The following AFG2A variants were observed in gnomAD, a reference collection of about 807,000 sequenced individuals.
AFG2A encodes the protein ATPase family gene 2 protein homolog A.
At chr4:123,205,766 A>G in the AFG2A span, among the ~76,000 whole-genome samples, 1 of 152,168 alleles carries the variant, frequency 6.6e-6, no homozygotes, top group Non-Finnish European at 1.5e-5. Flanking sequence ...TGATACTCAT[A>G]AAGCATTTAA....
chr4:123,088,774 A>G, the AFG2A span, among the ~76,000 whole-genome samples: 1 of 152,032 alleles, frequency 6.6e-6, no homozygotes, highest in Non-Finnish European at 1.5e-5. Flanking sequence ...CTTCTCCTTC[A>G]GCCATAATTG....
chr4:123,192,792 G>C, the AFG2A span, among the ~76,000 whole-genome samples: 5 of 152,104 alleles, frequency 3.3e-5, no homozygotes. Context: ...TTGCCCACAG[G>C]CAGTATATTT....
the AFG2A span, among the ~76,000 whole-genome samples, chr4:123,218,321 T>C: frequency 6.6e-6 from 1 of 152,152 alleles, no homozygotes; most frequent in African/African-American, 2.4e-5. Context: ...GTGAAGTGAA[T>C]TTCACCTCCT....
At chr4:123,271,285 A>G in the AFG2A span, among the ~76,000 whole-genome samples, 2 of 152,200 alleles carry the variant, frequency 1.3e-5, no homozygotes, top group African/African-American at 4.8e-5. Flanking sequence ...TGATTTCCCA[A>G]CTTTGTAAGA....
chr4:123,055,434 C>T, the AFG2A span, among the ~76,000 whole-genome samples: 1 of 152,072 alleles, frequency 6.6e-6, no homozygotes, highest in African/African-American at 2.4e-5. Flanking sequence ...ACTTGTCATA[C>T]AGTATGCTAA....
chr4:123,173,741 GA>G, the AFG2A span, among the ~76,000 whole-genome samples: 1 of 152,084 alleles, frequency 6.6e-6, no homozygotes, highest in Non-Finnish European at 1.5e-5. Context: ...TATTAATGGT[GA>G]AAATATGTAA....
At chr4:123,095,416 G>A in the AFG2A span, among the ~76,000 whole-genome samples, 320 of 152,008 alleles carry the variant, frequency 2.1e-3, 6 homozygotes, top group East Asian at 0.05. Flanking sequence ...TTTTAAGTCT[G>A]TTTCCTTTCC....
chr4:123,261,284 G>A, the AFG2A span, among the ~76,000 whole-genome samples: 1 of 152,018 alleles, frequency 6.6e-6, no homozygotes, highest in African/African-American at 2.4e-5. Context: ...TCTTCCTTGT[G>A]TCTTTACACT....
chr4:123,091,719 T>G, the AFG2A span, among the ~76,000 whole-genome samples: 1 of 152,242 alleles, frequency 6.6e-6, no homozygotes, highest in Non-Finnish European at 1.5e-5. Context: ...AAACTATTAC[T>G]ACCACTTTTT....
chr4:123,016,262 C>T, the AFG2A span, among the ~76,000 whole-genome samples: 1 of 149,766 alleles, frequency 6.7e-6, no homozygotes, highest in Admixed American at 6.6e-5. Flanking sequence ...GGCAGAGGGG[C>T]TGACCCCCAC....
At chr4:123,193,783 T>C in the AFG2A span, among the ~76,000 whole-genome samples, 1 of 152,198 alleles carries the variant, frequency 6.6e-6, no homozygotes, top group African/African-American at 2.4e-5. Flanking sequence ...GTTTAACATC[T>C]ATAAAATATG....
At chr4:123,107,720 C>T in the AFG2A span, among the ~76,000 whole-genome samples, 1 of 152,242 alleles carries the variant, frequency 6.6e-6, no homozygotes, top group Non-Finnish European at 1.5e-5. Context: ...GCCTGAAGCC[C>T]TATGGCAAAC....
the AFG2A span, among the ~76,000 whole-genome samples, chr4:123,242,519 A>C: frequency 1.3e-5 from 2 of 152,218 alleles, no homozygotes; most frequent in Non-Finnish European, 2.9e-5. Flanking sequence ...TATTTAATAC[A>C]TGGTGCTGGG....
At chr4:123,236,788 A>C in the AFG2A span, among the ~76,000 whole-genome samples, 427 of 152,322 alleles carry the variant, frequency 2.8e-3, 6 homozygotes, top group African/African-American at 9.8e-3. Context: ...CTTATTAAAC[A>C]TGCAGGGTCT....
the AFG2A span, among the ~76,000 whole-genome samples, chr4:123,234,713 T>G: frequency 6.6e-6 from 1 of 152,152 alleles, no homozygotes; most frequent in Non-Finnish European, 1.5e-5. Flanking sequence ...GCAAGGAATA[T>G]GGCTTCTACA....
chr4:123,003,546 C>T, the AFG2A span, among the ~76,000 whole-genome samples: 1 of 152,194 alleles, frequency 6.6e-6, no homozygotes, highest in Admixed American at 6.5e-5. Flanking sequence ...AGCTGCAGGT[C>T]TGTTGGAGTT....
chr4:122,956,268 G>A, the AFG2A span, among the ~76,000 whole-genome samples: 3 of 152,222 alleles, frequency 2.0e-5, no homozygotes, highest in Non-Finnish European at 4.4e-5. Flanking sequence ...TAGAGTAGGA[G>A]TTCTACAGTG....
the AFG2A span, among the ~76,000 whole-genome samples, chr4:123,026,764 A>G: frequency 6.6e-6 from 1 of 152,232 alleles, no homozygotes; most frequent in African/African-American, 2.4e-5. Flanking sequence ...AAAGAAATTA[A>G]GGATAGAGAA....
At chr4:122,959,001 C>T in the AFG2A span, among the ~76,000 whole-genome samples, 1 of 152,126 alleles carries the variant, frequency 6.6e-6, no homozygotes, top group Non-Finnish European at 1.5e-5. Context: ...TTGTAGAGCT[C>T]GTGAAAACAC....
Sources: allele counts gnomAD v4.1 joint callset (sites outside exome capture counted in the v4.1 genomes callset), GRCh38; gene constraint gnomAD v4.1.1; transcripts MANE v1.5; gene names NCBI Gene and HGNC (gene_info 2026-07-23, HGNC 2026-07-21).